Variants in DEFA3 observed in about 807,000 individuals in gnomAD.
DEFA3 encodes the protein neutrophil defensin 3.
For synonymous variants in DEFA3, 3 were observed against 47.2 expected (o/e 0.06, Z 3.84); for missense variants, 8 against 128.1 (o/e 0.06, Z 4.53).
At position 7,016,036 on chromosome 8, in the gene DEFA3, T is replaced by G; in HGVS notation, c.239A>C (p.Tyr80Ser). ...IPACIAGERR[Y>S]GTCIYQGRLW... is the part of the protein sequence containing the mutation. ...TCTTCCCTGGTAGATGCAGGTTCCA[T>G]AGCGACGTTCTCCTGCAATGCACGC... The change falls in exon 3 of 3, where the codon TAT becomes TCT. Residue 80 changes from tyrosine (Y) to serine (S), a missense_variant. Physicochemically the swap from Tyr to Ser is moderately radical, Grantham distance 144. Coordinates refer to ENST00000327857, the MANE Select transcript of DEFA3 (RefSeq NM_005217.4). 6.6e-7 allele frequency: 1 copy of G among 1,518,180 alleles called. No individual in the cohort carries two copies. The highest frequency in any genetic ancestry group is 9.0e-7 in the Non-Finnish European group (1 of 1,107,568). The allele number at this position is 1,518,180 out of a possible 1,614,324, so 94.0% of individuals were successfully genotyped here.
chr8:7,016,291 T>G (rs372694533), intron 2 of DEFA3, among the ~76,000 whole-genome samples, 192 bp from the exon 3 acceptor site: 2,218 of 136,936 alleles, frequency 0.016, no homozygotes, highest in Middle Eastern at 0.031. Context: ...TCATTCTCCT[T>G]TGCTCTCATT....
intron 2 of DEFA3, 56 bp downstream of exon 2, chr8:7,016,617 GAAC>G (rs1810983177): frequency 1.6e-6 from 1 of 641,578 alleles, no homozygotes; most frequent in African/African-American, 1.9e-5. Flanking sequence ...CCCAACTCTG[GAAC>G]CTCTCTCCCG....
chr8:7,017,779 C>T (rs1326958617), intron 1 of DEFA3, among the ~76,000 whole-genome samples: 3 of 151,970 alleles, frequency 2.0e-5, no homozygotes, highest in African/African-American at 7.2e-5. Context: ...AGCATCTGCA[C>T]AGCAAAGGAA....
At position 7,015,920 on chromosome 8, in the gene DEFA3, T is replaced by A; in HGVS notation, c.*70A>T. 8.2e-7 allele frequency: 1 copy of A among 1,216,572 alleles called. No individual in the cohort carries two copies. 75.4% of individuals were successfully genotyped at this position (1,216,572 alleles called of 1,614,324 possible). A position where few individuals can be genotyped will look rare whatever the true frequency, so the allele number is the denominator to read the frequency against. On this transcript the variant is annotated 3_prime_UTR_variant, in exon 3 of 3. Transcript: ENST00000327857. ...TGAGGAAAGGAAATTGAGCAGAAGG[T>A]ACAGGAGTAATAGCAATTCCCTGTA...
chr8:7,017,853 C>T (rs892189869), intron 1 of DEFA3, among the ~76,000 whole-genome samples: 9 of 152,294 alleles, frequency 5.9e-5, no homozygotes, highest in Admixed American at 1.3e-4. Context: ...ACCTACATGG[C>T]AGAAGGGGCA....
In DEFA3 at chr8:7,015,882, C is replaced by T. The variant is rs573145399; in HGVS notation, c.*108G>A. 25 of 1,037,052 alleles carry T rather than the reference C, an allele frequency of 2.4e-5. 1 individual carries two copies. The Admixed American group carries it at 4.6e-4, about 19-fold the overall frequency. The allele number at this position is 1,037,052 out of a possible 1,614,324, so 64.2% of individuals were successfully genotyped here. Reference sequence around the variant, plus strand: ...GAAACACAGAAATCTTGTAACAAGGCATTTATTTGAGATGAGGAAAGGAAA... The same window carrying T: ...GAAACACAGAAATCTTGTAACAAGGTATTTATTTGAGATGAGGAAAGGAAA... On this transcript the variant is annotated 3_prime_UTR_variant, in exon 3 of 3. Transcript: ENST00000327857.
At chr8:7,017,882 G>T (rs1317149830) in intron 1 of DEFA3, among the ~76,000 whole-genome samples, 2 of 152,216 alleles carry the variant, frequency 1.3e-5, no homozygotes, top group Non-Finnish European at 1.5e-5. Context: ...AATACATAAG[G>T]AATTCCAACA....
chr8:7,017,812 A>T, intron 1 of DEFA3, among the ~76,000 whole-genome samples: 1 of 152,114 alleles, frequency 6.6e-6, no homozygotes, highest in Non-Finnish European at 1.5e-5. Context: ...GTGAAAAGAT[A>T]ACCCAGAAAA....
At chr8:7,018,006 C>A (rs1811051248) in intron 1 of DEFA3, among the ~76,000 whole-genome samples, 1 of 80,058 alleles carries the variant, frequency 1.2e-5, no homozygotes, top group Non-Finnish European at 2.7e-5. Flanking sequence ...ACATGTCAAC[C>A]AGGACATGTG....
chr8:7,017,890 A>G (rs1021902356), intron 1 of DEFA3, among the ~76,000 whole-genome samples: 2 of 152,248 alleles, frequency 1.3e-5, no homozygotes. Flanking sequence ...AGGAATTCCA[A>G]CAACTCAATA....
At chr8:7,017,458 A>T (rs1412927665) in intron 1 of DEFA3, among the ~76,000 whole-genome samples, 6 of 105,426 alleles carry the variant, frequency 5.7e-5, no homozygotes, top group African/African-American at 2.1e-4. Flanking sequence ...TGGTTTAAGT[A>T]AAAAAAAGAA....
At chr8:7,016,315 C>A (rs1810968302) in intron 2 of DEFA3, among the ~76,000 whole-genome samples, 1 of 151,934 alleles carries the variant, frequency 6.6e-6, no homozygotes, top group South Asian at 2.1e-4. Context: ...GCATTCCTGC[C>A]CCATCACACA....
At chr8:7,016,283 A>C (rs1248409373) in intron 2 of DEFA3, among the ~76,000 whole-genome samples, 184 bp from the exon 3 acceptor site, 2 of 152,316 alleles carry the variant, frequency 1.3e-5, no homozygotes, top group South Asian at 2.1e-4. Flanking sequence ...TTTGAGACTC[A>C]TTCTCCTTTG....
chr8:7,016,376 G>GTACA (rs201631026), intron 2 of DEFA3, among the ~76,000 whole-genome samples: 1 of 93,318 alleles, frequency 1.1e-5, no homozygotes, highest in South Asian at 3.8e-4. Context: ...AAGCTCTTCT[G>GTACA]TAGAGTAAAA....
intron 1 of DEFA3, among the ~76,000 whole-genome samples, chr8:7,017,919 G>A (rs1436144909): frequency 6.6e-6 from 1 of 152,252 alleles, no homozygotes; most frequent in Non-Finnish European, 1.5e-5. Flanking sequence ...CAAACAACCT[G>A]ATTGAAAGAC....
chr8:7,017,115 C>G (rs1438802384), intron 1 of DEFA3, among the ~76,000 whole-genome samples: 2 of 127,738 alleles, frequency 1.6e-5, no homozygotes, highest in African/African-American at 5.2e-5. Flanking sequence ...AAAGACCCTG[C>G]TATGTTACTC....
At chr8:7,017,021 C>T (rs1302849709) in intron 1 of DEFA3, among the ~76,000 whole-genome samples, 159 bp from the exon 2 acceptor site, 4 of 132,864 alleles carry the variant, frequency 3.0e-5, no homozygotes, top group Admixed American at 7.7e-5. Flanking sequence ...CAAGGTTGCT[C>T]GAATGCTCCT....
intron 2 of DEFA3, among the ~76,000 whole-genome samples, chr8:7,016,319 T>C (rs1427147133): frequency 3.3e-5 from 5 of 151,978 alleles, no homozygotes; most frequent in South Asian, 2.1e-4. Flanking sequence ...TCCTGCCCCA[T>C]CACACACACA....
At chr8:7,018,193 G>A (rs1811063027) in intron 1 of DEFA3, 29 bp downstream of exon 1, 1 of 150,398 alleles carries the variant, frequency 6.6e-6, no homozygotes, top group African/African-American at 2.5e-5. Context: ...TGAAAACTCA[G>A]TGTAAAGTTT....
Sources: gnomAD v4.1 joint callset for allele counts (sites outside exome capture counted in the v4.1 genomes callset) on GRCh38, gnomAD v4.1.1 for gene constraint, MANE v1.5 for transcripts, NCBI Gene and HGNC (gene_info 2026-07-23, HGNC 2026-07-21) for gene names.